Variants in OTULINL observed in about 807,000 individuals in gnomAD.
OTULINL encodes the protein inactive ubiquitin thioesterase OTULINL.
OTULINL carries 42 observed loss-of-function variants against 43.9 expected under a neutral mutation model. The ratio of observed to expected loss-of-function variants is 0.96; its 90% confidence interval spans 0.75 to 1.24. The LOEUF (loss-of-function observed/expected upper bound fraction) is 1.24. Among genes scored for constraint, OTULINL ranks in the 50% most tolerant of loss-of-function variants. The pLI is 0.00. For synonymous variants in OTULINL, 172 were observed against 153.6 expected, an observed-to-expected ratio of 1.12 and a Z score of -0.88; for missense variants, 411 against 426.4, an observed-to-expected ratio of 0.96 and a Z score of 0.32.
At chr5:14,599,071 T>G (rs1054870520) in intron 1 of OTULINL, among the ~76,000 whole-genome samples, 1 of 152,188 alleles carries the variant, frequency 6.6e-6, no homozygotes, top group East Asian at 1.9e-4. Context: ...TCATAAAAAG[T>G]TTTACTAAAT....
intron 1 of OTULINL, among the ~76,000 whole-genome samples, chr5:14,583,960 C>G (rs1453929697): frequency 6.6e-6 from 1 of 152,080 alleles, no homozygotes; most frequent in Non-Finnish European, 1.5e-5. Flanking sequence ...TATTGAAAAT[C>G]ATGGACTAAG....
Position 14,601,245 on chromosome 5 carries a change from G to A in OTULINL, c.256+1G>A, listed in dbSNP as rs765129974. The stretch of plus-strand genomic sequence containing the variant: ...GGATATCTGCAGAGAAAATTCAAAA[G>A]TAAATATTTTCATTCATTTATTTCT... On this transcript the variant is annotated splice_donor_variant, in intron 3 of 7. Transcript: ENST00000274217. LOFTEE classifies it high-confidence loss of function. 2 of 1,611,446 alleles carry A rather than the reference G, an allele frequency of 1.2e-6. No homozygotes were observed. The highest frequency in any genetic ancestry group is 2.7e-5 in the African/African-American group (2 of 74,772).
In OTULINL at chr5:14,615,349, C is replaced by T. The variant is rs1431972272; in HGVS notation, c.*5035C>T. Among the ~76,000 whole-genome samples, 24 of 152,096 alleles carry T rather than the reference C, an allele frequency of 1.6e-4. No individual in the cohort carries two copies. The highest frequency in any genetic ancestry group is 1.5e-3 in the Admixed American group (23 of 15,272). ...TGCCAGGTCATGGCTTCGTCCGCCT[C>T]CCAGCATGTACCTGGACTTCCTTTG... On this transcript the variant is annotated 3_prime_UTR_variant, in exon 8 of 8. Transcript: ENST00000274217.
intron 1 of OTULINL, among the ~76,000 whole-genome samples, chr5:14,594,854 C>A (rs890001148): frequency 6.6e-6 from 1 of 152,004 alleles, no homozygotes; most frequent in Non-Finnish European, 1.5e-5. Context: ...CTTGCTCACC[C>A]ACCCCCATCT....
intron 1 of OTULINL, 120 bp from the exon 2 acceptor site, chr5:14,600,845 T>C (rs754805414): frequency 3.5e-6 from 3 of 862,944 alleles, no homozygotes; most frequent in Non-Finnish European, 4.7e-6. Flanking sequence ...TTTATGTAAA[T>C]CAGTGATAGA....
intron 1 of OTULINL, among the ~76,000 whole-genome samples, chr5:14,591,584 A>T (rs2126773045): frequency 6.6e-6 from 1 of 152,208 alleles, no homozygotes; most frequent in African/African-American, 2.4e-5. Flanking sequence ...GGGAGCCAGA[A>T]CCCCACCTCC....
intron 1 of OTULINL, among the ~76,000 whole-genome samples, chr5:14,584,723 CA>C (rs1301715486): frequency 1.3e-5 from 2 of 152,216 alleles, no homozygotes; most frequent in African/African-American, 2.4e-5. Flanking sequence ...AAGTCACACA[CA>C]AACTTGTACA....
chr5:14,588,189 C>T (rs1560959371), intron 1 of OTULINL, among the ~76,000 whole-genome samples: 2 of 152,174 alleles, frequency 1.3e-5, no homozygotes, highest in South Asian at 2.1e-4. Context: ...TATTTCACAA[C>T]TATTTCCAAT....
In OTULINL at chr5:14,601,076, T is replaced by C. The variant is rs922870124; in HGVS notation, c.176T>C (p.Ile59Thr). The C allele has an allele frequency of 6.8e-6, 11 of 1,613,610 alleles. No individual in the cohort carries two copies. In the Admixed American group the frequency reaches 1.8e-4, roughly 27 times the overall value. The part of the protein sequence containing the change: ...MLAVSFLVAA[I>T]CYFRRLHLYS... The stretch of plus-strand genomic sequence containing the variant: ...GCAGTTTCATTTCTGGTGGCTGCCA[T>C]CTGCTACTTCCGGAGGCTACATTTA... The change falls in exon 2 of 8, where the codon ATC becomes ACC. Residue 59 changes from isoleucine to threonine, a missense_variant. By Grantham distance (89) the Ile-to-Thr change is moderately conservative (BLOSUM62 -1). Transcript: ENST00000274217.
chr5:14,587,336 G>C (rs1272141954), intron 1 of OTULINL, among the ~76,000 whole-genome samples: 1 of 152,194 alleles, frequency 6.6e-6, no homozygotes, highest in Non-Finnish European at 1.5e-5. Context: ...AAGCAGAATG[G>C]CTGATAGGAA....
chr5:14,600,887 C>G, intron 1 of OTULINL, 78 bp from the exon 2 acceptor site: 1 of 1,243,014 alleles, frequency 8.0e-7, no homozygotes, highest in South Asian at 2.4e-5. Flanking sequence ...CAATCTCTCT[C>G]TGCATTTTTT....
intron 4 of OTULINL, 95 bp downstream of exon 4, chr5:14,601,537 C>T: frequency 9.1e-7 from 1 of 1,097,758 alleles, no homozygotes; most frequent in Non-Finnish European, 1.3e-6. Context: ...TCCAGATATC[C>T]ATCAGTACCA....
chr5:14,609,140 ATAT>A, intron 7 of OTULINL, 123 bp downstream of exon 7: 3 of 944,668 alleles, frequency 3.2e-6, no homozygotes, highest in Non-Finnish European at 4.8e-6. Flanking sequence ...TGGTTGATTG[ATAT>A]TATCGCCCCT....
chr5:14,593,036 C>T (rs1579918219), intron 1 of OTULINL, among the ~76,000 whole-genome samples: 2 of 152,288 alleles, frequency 1.3e-5, no homozygotes, highest in African/African-American at 4.8e-5. Flanking sequence ...CTCAGTGGTG[C>T]TCTGTTCCCA....
chr5:14,610,337 G>A lies in OTULINL; in HGVS notation c.*23G>A. The A allele has an allele frequency of 6.2e-7, 1 of 1,606,306 alleles. No individual in the cohort carries two copies. The highest frequency in any genetic ancestry group is 8.5e-7 in the Non-Finnish European group (1 of 1,176,552). On this transcript the variant is annotated 3_prime_UTR_variant, in exon 8 of 8. Coordinates refer to ENST00000274217, the MANE Select transcript of OTULINL (RefSeq NM_019018.3). ...TAAGTCCGCTGGGGGCCGAACAGCAGTGCTCACCAGTGACGGTGGTCACAG... is the reference window on the plus strand; with the variant it reads ...TAAGTCCGCTGGGGGCCGAACAGCAATGCTCACCAGTGACGGTGGTCACAG...
chr5:14,582,564 G>C (rs1330947563), intron 1 of OTULINL, among the ~76,000 whole-genome samples: 1 of 152,124 alleles, frequency 6.6e-6, no homozygotes, highest in African/African-American at 2.4e-5. Context: ...GGGAGGCCGA[G>C]GCTGGCGGAT....
At chr5:14,606,554 A>G (rs968548394) in intron 5 of OTULINL, among the ~76,000 whole-genome samples, 2 of 152,226 alleles carry the variant, frequency 1.3e-5, no homozygotes, top group Non-Finnish European at 2.9e-5. Flanking sequence ...CAAGAGTCCT[A>G]TAAAATGCAC....
chr5:14,595,915 C>A (rs1168939587), intron 1 of OTULINL, among the ~76,000 whole-genome samples: 2 of 152,036 alleles, frequency 1.3e-5, no homozygotes, highest in Non-Finnish European at 2.9e-5. Context: ...ATGCATTGTG[C>A]TGTATGTATG....
At chr5:14,601,521 A>G (rs2126780559) in intron 4 of OTULINL, 79 bp downstream of exon 4, 2 of 1,297,864 alleles carry the variant, frequency 1.5e-6, no homozygotes, top group South Asian at 2.6e-5. Context: ...CTTCTGCTTT[A>G]CTAAATCCAG....
Sources: gnomAD v4.1 joint callset for allele counts (sites outside exome capture counted in the v4.1 genomes callset) on GRCh38, gnomAD v4.1.1 for gene constraint, MANE v1.5 for transcripts, NCBI Gene and HGNC (gene_info 2026-07-23, HGNC 2026-07-21) for gene names.